The following FNDC3A variants were observed in gnomAD, a reference collection of about 807,000 sequenced individuals.
The protein encoded by FNDC3A is fibronectin type III domain containing 3A.
In FNDC3A, 32 loss-of-function variants were observed where a neutral mutation model predicts 148.9. That is an observed-to-expected ratio of 0.21 (90% confidence interval 0.16 to 0.29). The LOEUF (loss-of-function observed/expected upper bound fraction) is 0.29, where lower values mean the gene tolerates loss of function less well. FNDC3A is among the 10% of genes least tolerant of loss of function. The pLI is 1.00. For missense variants in FNDC3A, 1,191 were observed against 1,452.8 expected (o/e 0.82, Z 2.93); for synonymous variants, 472 against 473.6 (o/e 1.00, Z 0.04).
chr13:49,044,631 C>A, intron 2 of FNDC3A: 1 of 200,780 alleles, frequency 5.0e-6, no homozygotes. Flanking sequence ...GATCGTGTCA[C>A]TGCGCTCCAG....
At chr13:49,090,865 A>G (rs1291926712) in intron 3 of FNDC3A, among the ~76,000 whole-genome samples, 2 of 152,028 alleles carry the variant, frequency 1.3e-5, no homozygotes, top group Admixed American at 6.6e-5. Context: ...ATGGTGGTGT[A>G]TGCCTGTAGT....
chr13:49,082,726 A>G (rs1168467330), intron 3 of FNDC3A, among the ~76,000 whole-genome samples: 1 of 152,006 alleles, frequency 6.6e-6, no homozygotes, highest in Non-Finnish European at 1.5e-5. Context: ...AGAATAGCCA[A>G]GTATAGGGAG....
chr13:49,189,662 T>TG (rs1300137124), intron 17 of FNDC3A, among the ~76,000 whole-genome samples: 1 of 152,164 alleles, frequency 6.6e-6, no homozygotes, highest in Non-Finnish European at 1.5e-5. Flanking sequence ...CCTGCCCAAC[T>TG]GGCTTGTGCT....
At chr13:49,145,541 A>G (rs1436954276) in intron 7 of FNDC3A, among the ~76,000 whole-genome samples, 1 of 152,082 alleles carries the variant, frequency 6.6e-6, no homozygotes, top group Non-Finnish European at 1.5e-5. Context: ...TTGACTATGT[A>G]TGGTGTCTAC....
intron 19 of FNDC3A, among the ~76,000 whole-genome samples, chr13:49,194,161 G>T (rs1411703709): frequency 6.6e-6 from 1 of 152,026 alleles, no homozygotes; most frequent in Admixed American, 6.6e-5. Flanking sequence ...TACTCAGGAG[G>T]CTGAGGCACA....
At chr13:49,077,029 G>C (rs1350266627) in intron 3 of FNDC3A, among the ~76,000 whole-genome samples, 1 of 152,156 alleles carries the variant, frequency 6.6e-6, no homozygotes, top group Non-Finnish European at 1.5e-5. Flanking sequence ...TGTAATCCCA[G>C]TGCTTTGAGA....
chr13:49,019,383 C>A (rs1263078850), intron 2 of FNDC3A, among the ~76,000 whole-genome samples: 1 of 152,256 alleles, frequency 6.6e-6, no homozygotes, highest in East Asian at 1.9e-4. Flanking sequence ...CGTCTGTCAC[C>A]CCTTTCTTTG....
chr13:49,044,931 T>C, intron 2 of FNDC3A: 2 of 291,520 alleles, frequency 6.9e-6, no homozygotes, highest in Non-Finnish European at 1.4e-5. Flanking sequence ...TTCATAGCTG[T>C]AGATGTACTA....
chr13:49,021,606 T>A (rs1487349142), intron 2 of FNDC3A, among the ~76,000 whole-genome samples: 4 of 152,166 alleles, frequency 2.6e-5, no homozygotes, highest in East Asian at 1.9e-4. Flanking sequence ...ATAGAGCAAA[T>A]TAAAATGACA....
rs374600089 is a variant in FNDC3A, at chr13:49,116,054, C to G, written c.252+1323C>G. Among the ~76,000 whole-genome samples the G allele has an allele frequency of 9.9e-4, 151 of 152,322 alleles. 4 individuals are homozygous for G. In the South Asian group the frequency reaches 0.031, roughly 31 times the overall value. Reference sequence around the variant, plus strand: ...TTATTGAGTGGCACCACGTACTGAGCTCTGTATTGGGAGCTAGTGATAAAA... The same window carrying G: ...TTATTGAGTGGCACCACGTACTGAGGTCTGTATTGGGAGCTAGTGATAAAA... On this transcript the variant is annotated intron_variant, in intron 4 of 25. Coordinates refer to ENST00000492622, the MANE Select transcript of FNDC3A (RefSeq NM_001079673.2).
chr13:49,002,325 G>A (rs1382959644), intron 1 of FNDC3A, among the ~76,000 whole-genome samples: 1 of 152,030 alleles, frequency 6.6e-6, no homozygotes, highest in Non-Finnish European at 1.5e-5. Flanking sequence ...TTATGTTGAG[G>A]TATATTTCTT....
At chr13:48,994,921 T>C (rs925622696) in intron 1 of FNDC3A, among the ~76,000 whole-genome samples, 15 of 152,212 alleles carry the variant, frequency 9.9e-5, no homozygotes, top group African/African-American at 3.6e-4. Context: ...GGGTTCATTA[T>C]ACTATTATGT....
chr13:49,051,095 C>G (rs551447010), intron 2 of FNDC3A, among the ~76,000 whole-genome samples: 105 of 152,276 alleles, frequency 6.9e-4, no homozygotes, highest in African/African-American at 2.3e-3. Flanking sequence ...AAATTCTTAT[C>G]TATTCTGCCA....
At position 49,036,448 on chromosome 13, in the gene FNDC3A, T is replaced by G. The variant is rs551680132; in HGVS notation, c.99+30159T>G. Among the ~76,000 whole-genome samples, 9 of 152,334 alleles carry G rather than the reference T, an allele frequency of 5.9e-5. No individual in the cohort carries two copies. In the South Asian group the frequency reaches 1.9e-3, roughly 32 times the overall value. ...ATTTCTGTCATCACAGAGAGTTCTGTCAGACAGCACTGGTGTTGAAACTGG... is the reference window on the plus strand; with the variant it reads ...ATTTCTGTCATCACAGAGAGTTCTGGCAGACAGCACTGGTGTTGAAACTGG... On this transcript the variant is annotated intron_variant, in intron 2 of 25. Coordinates refer to ENST00000492622, the MANE Select transcript of FNDC3A (RefSeq NM_001079673.2).
At chr13:48,996,173 C>A (rs1952019991) in intron 1 of FNDC3A, among the ~76,000 whole-genome samples, 1 of 151,908 alleles carries the variant, frequency 6.6e-6, no homozygotes, top group Non-Finnish European at 1.5e-5. Context: ...TGGTATAAAC[C>A]ATATCCATAT....
At chr13:49,161,095 T>C (rs1221662169) in intron 8 of FNDC3A, among the ~76,000 whole-genome samples, 10 of 152,218 alleles carry the variant, frequency 6.6e-5, no homozygotes, top group Non-Finnish European at 1.3e-4. Context: ...ATGTATATTC[T>C]ATTGATTTGG....
At position 49,201,912 on chromosome 13, in the gene FNDC3A, C is replaced by T; in HGVS notation, c.3100C>T (p.Leu1034Phe). 1 of 1,593,788 alleles carries T rather than the reference C, an allele frequency of 6.3e-7. No individual in the cohort carries two copies. Among genetic ancestry groups the T allele is most frequent in the Non-Finnish European group, 8.5e-7 (1 of 1,170,078 alleles). The change falls in exon 24 of 26, where the codon CTC becomes TTC. Residue 1034 changes from leucine (L) to phenylalanine (F), a missense_variant. By Grantham distance (22) the Leu-to-Phe change is conservative. This residue lies in a region of FNDC3A where 751 missense variants were observed against 944.0 expected (regional missense o/e 0.80). Transcript: ENST00000492622. ...QACNEAGEGP[L>F]SQEYIFTTPK... ...TTGTAATGAAGCTGGGGAAGGTCCC[C>T]TCTCCCAAGAATATATTTTCACTAC... is the stretch of plus-strand genomic sequence containing the variant.
At chr13:49,123,991 C>G (rs1881532655) in intron 4 of FNDC3A, among the ~76,000 whole-genome samples, 1 of 152,210 alleles carries the variant, frequency 6.6e-6, no homozygotes, top group African/African-American at 2.4e-5. Context: ...AATCCCATTA[C>G]TGGGTATATA....
In FNDC3A at chr13:49,138,795, T is replaced by C. The variant is rs1367555785; in HGVS notation, c.809T>C (p.Val270Ala). The change falls in exon 7 of 26, where the codon GTC becomes GCC. Residue 270 changes from valine to alanine, a missense_variant. Coordinates refer to ENST00000492622, the MANE Select transcript of FNDC3A (RefSeq NM_001079673.2). ...KAFEALLSNI[V>A]KPVASDIQAR... ...TTTGAAGCACTTCTTTCCAACATTG[T>C]CAAACCAGTGGTAAGTATCTTATGT... 6.7e-7 allele frequency: 1 copy of C among 1,497,564 alleles called. No homozygotes were observed. Among genetic ancestry groups the C allele is most frequent in the Admixed American group, 1.8e-5 (1 of 55,916 alleles). 92.8% of individuals were successfully genotyped at this position (1,497,564 alleles called of 1,614,324 possible). A position where few individuals can be genotyped will look rare whatever the true frequency, so the allele number is the denominator to read the frequency against.
Sources: gnomAD v4.1 joint callset for allele counts (sites outside exome capture counted in the v4.1 genomes callset) on GRCh38, gnomAD v4.1.1 for gene constraint, gnomAD v4.1.1 regional missense constraint, MANE v1.5 for transcripts, NCBI Gene and HGNC (gene_info 2026-07-23, HGNC 2026-07-21) for gene names.